TENM1: variants seen among roughly 807,000 people sequenced by gnomAD.
TENM1 encodes teneurin transmembrane protein 1.
Under a neutral mutation model 174.8 loss-of-function variants are expected in TENM1, and 35 were observed. The observed-to-expected ratio is 0.20, with a 90% CI of 0.15 to 0.27. The LOEUF (loss-of-function observed/expected upper bound fraction) is 0.27, where lower values mean the gene tolerates loss of function less well. Ranked by LOEUF, TENM1 falls within the 10% of genes least tolerant of loss-of-function variation. The pLI is 1.00. For missense variants in TENM1, 1,633 were observed against 2,130.1 expected, an observed-to-expected ratio of 0.77 and a Z score of 4.59; for synonymous variants, 781 against 798.7, an observed-to-expected ratio of 0.98 and a Z score of 0.37.
chrX:124,732,639 G>A (rs1484598799), intron 4 of TENM1, among the ~76,000 whole-genome samples: 1 of 112,138 alleles, frequency 8.9e-6, no homozygotes, highest in Non-Finnish European at 1.9e-5. Flanking sequence ...CAGTGACCAA[G>A]ATAATAATGC....
At chrX:124,737,687 G>A (rs1017248354) in intron 3 of TENM1, among the ~76,000 whole-genome samples, 1 of 112,272 alleles carries the variant, frequency 8.9e-6, no homozygotes, top group Non-Finnish European at 1.9e-5. Flanking sequence ...TTGCCTATAC[G>A]GGAGCAAATC....
the TENM1 span, among the ~76,000 whole-genome samples, chrX:125,142,547 A>G: frequency 9.0e-6 from 1 of 110,554 alleles, no homozygotes; most frequent in Admixed American, 9.7e-5. Context: ...GGTTCTACAG[A>G]AAATTTTACT....
chrX:124,635,118 T>C (rs771443697), intron 11 of TENM1, among the ~76,000 whole-genome samples: 31 of 111,906 alleles, frequency 2.8e-4, no homozygotes, highest in Non-Finnish European at 5.7e-4. Context: ...TCATAATCAG[T>C]GTCAATAGTT....
intron 30 of TENM1, among the ~76,000 whole-genome samples, 160 bp from the exon 34 acceptor site, chrX:124,382,972 A>ATTTATTTC (rs869183192): frequency 1.9e-5 from 2 of 104,925 alleles, no homozygotes; most frequent in Non-Finnish European, 4.0e-5. Flanking sequence ...TTATTTATTT[A>ATTTATTTC]TTTGACATAG....
chrX:124,386,902 T>C (rs1303154857), intron 28 of TENM1, among the ~76,000 whole-genome samples: 1 of 108,676 alleles, frequency 9.2e-6, no homozygotes, highest in East Asian at 2.9e-4. Flanking sequence ...TTTAAGCAAG[T>C]TAAGGGACGG....
intron 4 of TENM1, among the ~76,000 whole-genome samples, chrX:124,721,573 C>T (rs2053309318): frequency 9.0e-6 from 1 of 111,313 alleles, no homozygotes; most frequent in African/African-American, 3.3e-5. Context: ...GAAACTTAAC[C>T]GAACCATAAA....
At position 124,705,161 on chromosome X, in the gene TENM1, C is replaced by T. The variant is rs191615019; in HGVS notation, c.867G>A (p.Ser289=). 1.1e-4 allele frequency: 135 copies of T among 1,208,848 alleles called. No individual in the cohort carries two copies. The Admixed American group carries it at 2.5e-3, about 22-fold the overall frequency. Residue 289 remains serine (S), a synonymous_variant, in exon 5 of 32, where the codon TCG becomes TCA. Coordinates refer to ENST00000422452, the Ensembl canonical transcript of TENM1. The stretch of plus-strand genomic sequence containing the variant: ...TTCGAGGAAGAGGCCTGGGAGGGGG[C>T]GAGTACACGGTATTGGATGTCAGAG...
At chrX:124,476,616 A>T (rs956203500) in intron 22 of TENM1, among the ~76,000 whole-genome samples, 2 of 111,795 alleles carry the variant, frequency 1.8e-5, no homozygotes, top group Non-Finnish European at 3.8e-5. Context: ...GTCACTGATT[A>T]ATTTCATCCT....
At chrX:124,561,876 T>A in intron 13 of TENM1, 59 bp from the exon 17 acceptor site, 1 of 1,112,750 alleles carries the variant, frequency 9.0e-7, no homozygotes, top group East Asian at 3.0e-5. Context: ...TGGCCAACAA[T>A]GATGTATTTG....
At chrX:125,134,622 A>T in the TENM1 span, among the ~76,000 whole-genome samples, 2 of 112,093 alleles carry the variant, frequency 1.8e-5, no homozygotes, top group Non-Finnish European at 3.8e-5. Flanking sequence ...TTTAGCCCCA[A>T]GTTTGCTCTC....
chrX:125,000,839 T>G, the TENM1 span, among the ~76,000 whole-genome samples: 1 of 111,553 alleles, frequency 9.0e-6, no homozygotes, highest in African/African-American at 3.2e-5. Flanking sequence ...GTTTCTAGCT[T>G]TTAAGGCCAC....
chrX:124,809,126 C>A lies in TENM1; in HGVS notation c.536-71929G>T, dbSNP rs1484015717. Among the ~76,000 whole-genome samples, 43 of 111,238 alleles carry A rather than the reference C, an allele frequency of 3.9e-4. No individual in the cohort carries two copies. In the Admixed American group the frequency reaches 4.1e-3, roughly 11 times the overall value. On this transcript the variant is annotated intron_variant, in intron 3 of 31. Coordinates refer to ENST00000422452, the Ensembl canonical transcript of TENM1. ...ATCAGACATGAAAAAGACATTACAA[C>A]TAGTAACACAGAAATACAAAGTTTC...
chrX:124,760,911 A>G (rs1461964264), intron 3 of TENM1, among the ~76,000 whole-genome samples: 2 of 112,237 alleles, frequency 1.8e-5, no homozygotes, highest in African/African-American at 3.2e-5. Context: ...CTTCAAAAGA[A>G]GACATTAATG....
chrX:124,759,142 C>G (rs1193537670), intron 3 of TENM1, among the ~76,000 whole-genome samples: 1 of 110,871 alleles, frequency 9.0e-6, no homozygotes, highest in East Asian at 2.8e-4. Context: ...TTACTTAAAT[C>G]ACATGGCGAT....
In TENM1 at chrX:124,547,161, A is replaced by G. The variant is rs142511561; in HGVS notation, c.2435-71T>C. On this transcript the variant is annotated intron_variant, in intron 14 of 31. Transcript: ENST00000422452. ...GAAAAATATAGTTTAAAATATACAT[A>G]AATGGAGAAAATTCTAAAATATAGC... 1.0e-3 allele frequency: 842 copies of G among 813,655 alleles called. 3 individuals are homozygous for G. In the African/African-American group the frequency reaches 0.011, roughly 11 times the overall value. 67.1% of individuals were successfully genotyped at this position (813,655 alleles called of 1,213,427 possible).
At chrX:124,428,929 C>T (rs766270964) in intron 23 of TENM1, among the ~76,000 whole-genome samples, 11 of 111,864 alleles carry the variant, frequency 9.8e-5, no homozygotes, top group Non-Finnish European at 2.1e-4. Context: ...TGAATAGGTG[C>T]TGCCCCTTCC....
the TENM1 span, among the ~76,000 whole-genome samples, chrX:125,086,458 G>C: frequency 1.2e-4 from 13 of 110,632 alleles, no homozygotes; most frequent in South Asian, 4.5e-3. Flanking sequence ...CAAGAACATG[G>C]TGTATGTCTC....
chrX:124,909,721 C>T (rs1483712334), intron 1 of TENM1, among the ~76,000 whole-genome samples: 2 of 112,230 alleles, frequency 1.8e-5, no homozygotes, highest in Admixed American at 9.5e-5. Context: ...TCTGTGTCTG[C>T]AGGCGGACAA....
At chrX:124,924,409 C>T (rs1394803450) in intron 1 of TENM1, among the ~76,000 whole-genome samples, 1 of 111,180 alleles carries the variant, frequency 9.0e-6, no homozygotes, top group Non-Finnish European at 1.9e-5. Flanking sequence ...TCACTTTCAC[C>T]TTCTCTTTTC....
Sources: gnomAD v4.1 joint callset for allele counts (sites outside exome capture counted in the v4.1 genomes callset) on GRCh38, gnomAD v4.1.1 for gene constraint, MANE v1.5 for transcripts, NCBI Gene and HGNC (gene_info 2026-07-23, HGNC 2026-07-21) for gene names.